Variants in GABRB1 observed in about 807,000 individuals in gnomAD.
GABRB1 encodes the protein gamma-aminobutyric acid type A receptor subunit beta1, also known as gamma-aminobutyric acid receptor subunit beta-1.
Under a neutral mutation model 51.6 loss-of-function variants are expected in GABRB1, and 17 were observed. The observed-to-expected ratio is 0.33, with a 90% confidence interval of 0.23 to 0.49. GABRB1 has a LOEUF of 0.49. Among genes scored for constraint, GABRB1 ranks in the 20% least tolerant of loss-of-function variants. The probability of loss-of-function intolerance (pLI) is 0.99; values close to 1 mark genes in which losing one functional copy is unlikely to be tolerated. For missense variants in GABRB1, 410 were observed against 600.6 expected (o/e 0.68, Z 3.32); for synonymous variants, 247 against 218.9 (o/e 1.13, Z -1.14).
intron 3 of GABRB1, among the ~76,000 whole-genome samples, chr4:47,071,860 A>T (rs756662192): frequency 3.9e-5 from 6 of 152,056 alleles, no homozygotes; most frequent in Non-Finnish European, 8.8e-5. Flanking sequence ...TACATATGTA[A>T]CCTATTTTTT....
At chr4:47,393,147 G>A (rs1311209754) in intron 5 of GABRB1, among the ~76,000 whole-genome samples, 5 of 152,190 alleles carry the variant, frequency 3.3e-5, no homozygotes, top group East Asian at 1.9e-4. Context: ...AATCAATGTG[G>A]TTGCTGTAGC....
intron 5 of GABRB1, among the ~76,000 whole-genome samples, chr4:47,333,130 A>C (rs1578100973): frequency 6.8e-6 from 1 of 146,260 alleles, no homozygotes; most frequent in African/African-American, 2.5e-5. Context: ...AAATATATTT[A>C]TATAATATAT....
intron 1 of GABRB1, among the ~76,000 whole-genome samples, chr4:47,001,395 G>A (rs1324457599): frequency 3.9e-5 from 6 of 152,290 alleles, no homozygotes; most frequent in East Asian, 1.9e-4. Flanking sequence ...TCCCGCCTTG[G>A]CCTCCCAAAG....
chr4:47,244,972 G>A (rs1223846858), intron 4 of GABRB1, among the ~76,000 whole-genome samples: 2 of 152,120 alleles, frequency 1.3e-5, no homozygotes, highest in East Asian at 3.9e-4. Context: ...AAAGCTAGCA[G>A]AAGGCAAGAA....
chr4:47,253,066 G>C (rs560634537), intron 4 of GABRB1, among the ~76,000 whole-genome samples: 1 of 152,188 alleles, frequency 6.6e-6, no homozygotes, highest in African/African-American at 2.4e-5. Flanking sequence ...AAAGAGCAAA[G>C]TGAGGTACAA....
At chr4:47,394,541 T>C (rs913264317) in intron 5 of GABRB1, among the ~76,000 whole-genome samples, 2 of 152,196 alleles carry the variant, frequency 1.3e-5, no homozygotes, top group African/African-American at 4.8e-5. Context: ...TATTTAGATA[T>C]GCTACTAAAA....
chr4:47,141,580 C>T (rs115579341), intron 3 of GABRB1, among the ~76,000 whole-genome samples: 3 of 152,016 alleles, frequency 2.0e-5, no homozygotes, highest in Non-Finnish European at 4.4e-5. Flanking sequence ...TTGCCCCTTT[C>T]ATCTTGACTC....
intron 5 of GABRB1, among the ~76,000 whole-genome samples, chr4:47,382,423 A>G (rs925047501): frequency 6.6e-6 from 1 of 152,210 alleles, no homozygotes; most frequent in Non-Finnish European, 1.5e-5. Flanking sequence ...CTGACACAAC[A>G]TGTGATGCCT....
At chr4:47,278,867 A>G (rs1046011484) in intron 4 of GABRB1, among the ~76,000 whole-genome samples, 7 of 152,142 alleles carry the variant, frequency 4.6e-5, no homozygotes, top group African/African-American at 1.7e-4. Flanking sequence ...TAGGGTGACA[A>G]TTCGTGACTT....
chr4:47,403,240 T>C, intron 5 of GABRB1, 78 bp from the exon 6 acceptor site: 3 of 1,533,376 alleles, frequency 2.0e-6, no homozygotes, highest in Non-Finnish European at 2.7e-6. Flanking sequence ...GTGCTGGGAA[T>C]TTTTCCTCTA....
At chr4:47,149,640 T>G (rs1433937120) in intron 3 of GABRB1, among the ~76,000 whole-genome samples, 1 of 152,140 alleles carries the variant, frequency 6.6e-6, no homozygotes, top group East Asian at 1.9e-4. Context: ...TCTTTCCTAG[T>G]TAGGTCCAGT....
chr4:47,152,409 T>C lies in GABRB1; in HGVS notation c.241-8840T>C, dbSNP rs976036075. On this transcript the variant is annotated intron_variant, in intron 3 of 8. Transcript: ENST00000295454. ...ATCTAGTGGGACTGAGAAATAATTTTAAAACAATAGGGTAAGTGCTGCAAT... is the reference window on the plus strand; with the variant it reads ...ATCTAGTGGGACTGAGAAATAATTTCAAAACAATAGGGTAAGTGCTGCAAT... Among the ~76,000 whole-genome samples, 3 of 152,024 alleles carry C rather than the reference T, an allele frequency of 2.0e-5. No homozygotes were observed. The East Asian group carries it at 5.8e-4, about 29-fold the overall frequency.
At chr4:47,174,981 T>A (rs564764331) in intron 4 of GABRB1, among the ~76,000 whole-genome samples, 23 of 140,216 alleles carry the variant, frequency 1.6e-4, no homozygotes, top group African/African-American at 6.1e-4. Flanking sequence ...CCTTTCATCA[T>A]TCCTTCCTTC....
chr4:47,122,287 T>A (rs1470133095), intron 3 of GABRB1, among the ~76,000 whole-genome samples: 2 of 152,212 alleles, frequency 1.3e-5, no homozygotes, highest in African/African-American at 2.4e-5. Context: ...GAATTTGTTC[T>A]GGGTGAAATA....
At chr4:47,238,328 A>G (rs1721402366) in intron 4 of GABRB1, among the ~76,000 whole-genome samples, 1 of 152,114 alleles carries the variant, frequency 6.6e-6, no homozygotes, top group South Asian at 2.1e-4. Flanking sequence ...TTAAATTATC[A>G]AAAATAGTAC....
At chr4:47,291,255 T>C (rs1723719634) in intron 4 of GABRB1, among the ~76,000 whole-genome samples, 2 of 152,128 alleles carry the variant, frequency 1.3e-5, no homozygotes, top group African/African-American at 2.4e-5. Flanking sequence ...AGCTTCCATG[T>C]GGTGTTGAGC....
At chr4:47,266,994 T>G (rs1232716155) in intron 4 of GABRB1, among the ~76,000 whole-genome samples, 1 of 152,070 alleles carries the variant, frequency 6.6e-6, no homozygotes, top group Non-Finnish European at 1.5e-5. Flanking sequence ...CAAAGAAGAT[T>G]AATATATAAT....
intron 1 of GABRB1, among the ~76,000 whole-genome samples, chr4:47,022,632 T>A (rs1355950077): frequency 1.3e-5 from 2 of 151,934 alleles, no homozygotes; most frequent in African/African-American, 4.8e-5. Context: ...ATAGCTTAGA[T>A]CCAAAAGACA....
intron 5 of GABRB1, among the ~76,000 whole-genome samples, chr4:47,361,306 A>G (rs1173955202): frequency 1.3e-5 from 2 of 152,192 alleles, no homozygotes; most frequent in Non-Finnish European, 1.5e-5. Flanking sequence ...GACTAATAGT[A>G]AACAAGCCAA....
Sources: gnomAD v4.1 joint callset for allele counts (sites outside exome capture counted in the v4.1 genomes callset) on GRCh38, gnomAD v4.1.1 for gene constraint, MANE v1.5 for transcripts, NCBI Gene and HGNC (gene_info 2026-07-23, HGNC 2026-07-21) for gene names.